Variants in KCNMA1 observed in about 807,000 individuals in gnomAD.
KCNMA1 encodes Calcium-activated potassium channel subunit alpha-1.
In KCNMA1, 29 loss-of-function variants were observed where a neutral mutation model predicts 140.0. The ratio of observed to expected loss-of-function variants is 0.21; its 90% CI spans 0.15 to 0.28. The LOEUF (loss-of-function observed/expected upper bound fraction) is 0.28, where lower values mean the gene tolerates loss of function less well. KCNMA1 is among the 10% of genes least tolerant of loss of function. The pLI is 1.00. For missense variants in KCNMA1, 880 were observed against 1,602.2 expected (o/e 0.55, Z 7.70); for synonymous variants, 612 against 611.9 (o/e 1.00, Z 0.00).
chr10:77,104,825 G>A (rs1380874548), intron 9 of KCNMA1, among the ~76,000 whole-genome samples: 1 of 152,224 alleles, frequency 6.6e-6, no homozygotes, highest in East Asian at 1.9e-4. Context: ...GCAAGGGGCT[G>A]TGAGAGGGAG....
At chr10:77,607,599 T>C (rs1226078360) in intron 1 of KCNMA1, among the ~76,000 whole-genome samples, 4 of 152,032 alleles carry the variant, frequency 2.6e-5, no homozygotes, top group African/African-American at 7.3e-5. Flanking sequence ...AGAGATGTGA[T>C]GATGGAAACT....
chr10:76,977,774 T>C, intron 19 of KCNMA1: 1 of 614,444 alleles, frequency 1.6e-6, no homozygotes, highest in Non-Finnish European at 2.9e-6. Context: ...TTAGCCCTGC[T>C]GGTCCGCTCG....
At chr10:77,389,522 G>A (rs1247007505) in intron 2 of KCNMA1, among the ~76,000 whole-genome samples, 8 of 152,108 alleles carry the variant, frequency 5.3e-5, no homozygotes, top group African/African-American at 1.7e-4. Flanking sequence ...TCCTCAAGCA[G>A]AGGATACTCA....
intron 1 of KCNMA1, among the ~76,000 whole-genome samples, chr10:77,408,709 A>G (rs2096551577): frequency 6.6e-6 from 1 of 152,076 alleles, no homozygotes; most frequent in African/African-American, 2.4e-5. Flanking sequence ...GAAAAATGAG[A>G]GGTGAGGCCA....
chr10:77,352,623 T>TGG (rs1177219718), intron 2 of KCNMA1, among the ~76,000 whole-genome samples: 1 of 49,396 alleles, frequency 2.0e-5, no homozygotes, highest in African/African-American at 1.5e-4. Flanking sequence ...CAGTACAGGG[T>TGG]GTGTGTGTGT....
chr10:76,922,001 G>A (rs935322035), intron 23 of KCNMA1, among the ~76,000 whole-genome samples: 1 of 152,150 alleles, frequency 6.6e-6, no homozygotes, highest in Non-Finnish European at 1.5e-5. Flanking sequence ...ACCCCAACAG[G>A]GTAGAGGTAG....
rs142235122 is a variant in KCNMA1 at position 77,083,229 on chromosome 10, T to C, written c.1523+1408A>G. On this transcript the variant is annotated intron_variant, in intron 12 of 27. Coordinates refer to ENST00000286628, the MANE Select transcript of KCNMA1 (RefSeq NM_001161352.2). ...ATCATTTCCTCTCAGCCCTCTTAACTCTTCTGCAATTTATGCTACAGAAAA... is the reference window on the plus strand; with the variant it reads ...ATCATTTCCTCTCAGCCCTCTTAACCCTTCTGCAATTTATGCTACAGAAAA... Among the ~76,000 whole-genome samples the C allele has an allele frequency of 2.4e-4, 37 of 152,182 alleles. 1 individual carries two copies. The East Asian group carries it at 6.8e-3, about 28-fold the overall frequency.
At chr10:77,525,339 C>T (rs569817433) in intron 1 of KCNMA1, among the ~76,000 whole-genome samples, 1 of 152,300 alleles carries the variant, frequency 6.6e-6, no homozygotes, top group African/African-American at 2.4e-5. Flanking sequence ...GGTTGGAACC[C>T]GTTCTCTTCC....
intron 1 of KCNMA1, among the ~76,000 whole-genome samples, chr10:77,436,469 T>A (rs2154501775): frequency 6.6e-6 from 1 of 152,358 alleles, no homozygotes; most frequent in African/African-American, 2.4e-5. Context: ...TAAAGAAAAC[T>A]TGCAGAGAAA....
intron 9 of KCNMA1, among the ~76,000 whole-genome samples, chr10:77,093,361 T>G (rs1464150224): frequency 6.6e-6 from 1 of 152,222 alleles, no homozygotes; most frequent in Non-Finnish European, 1.5e-5. Flanking sequence ...CCCATATTGT[T>G]CCAATCTGTC....
At chr10:77,092,897 A>G (rs745890667) in intron 9 of KCNMA1, among the ~76,000 whole-genome samples, 5 of 152,180 alleles carry the variant, frequency 3.3e-5, no homozygotes, top group Admixed American at 2.0e-4. Context: ...CAAGGGGAAA[A>G]GATGAGTTCC....
At chr10:77,012,202 G>A in intron 17 of KCNMA1, 159 bp from the exon 18 acceptor site, 2 of 1,503,430 alleles carry the variant, frequency 1.3e-6, no homozygotes, top group South Asian at 2.6e-5. Flanking sequence ...GGAAATGTTT[G>A]TTGCAAGACC....
chr10:77,499,420 T>TACAC (rs1385530376), intron 1 of KCNMA1, among the ~76,000 whole-genome samples: 1 of 142,726 alleles, frequency 7.0e-6, no homozygotes, highest in Non-Finnish European at 1.5e-5. Context: ...TATATATATA[T>TACAC]ATACACACAC....
chr10:76,977,451 C>T, intron 19 of KCNMA1: 1 of 659,578 alleles, frequency 1.5e-6, no homozygotes, highest in Non-Finnish European at 2.8e-6. Flanking sequence ...GTTTACCAGC[C>T]ATCCCTGGCT....
At chr10:77,453,626 G>A (rs2097704293) in intron 1 of KCNMA1, among the ~76,000 whole-genome samples, 1 of 152,096 alleles carries the variant, frequency 6.6e-6, no homozygotes, top group Non-Finnish European at 1.5e-5. Context: ...CCCCAGCAGG[G>A]CCCAGATGTC....
At chr10:76,872,545 T>C (rs1564640906), downstream of KCNMA1, 1 of 152,180 alleles carries the variant, frequency 6.6e-6, no homozygotes, top group Non-Finnish European at 1.5e-5. Context: ...TGTAGCCCCT[T>C]CCATGAAGTC....
At chr10:77,211,545 C>G (rs1017848182) in intron 3 of KCNMA1, among the ~76,000 whole-genome samples, 2 of 152,044 alleles carry the variant, frequency 1.3e-5, no homozygotes. Flanking sequence ...TCAGCCTTGG[C>G]AAAGAATTTT....
chr10:76,940,755 G>GT (rs1408503329), intron 23 of KCNMA1, among the ~76,000 whole-genome samples: 1 of 151,918 alleles, frequency 6.6e-6, no homozygotes, highest in African/African-American at 2.4e-5. Context: ...GAGGCCAGGA[G>GT]TTTGAGACCA....
chr10:76,908,080 G>T (rs558705466), intron 25 of KCNMA1, among the ~76,000 whole-genome samples: 2 of 152,272 alleles, frequency 1.3e-5, no homozygotes, highest in South Asian at 4.1e-4. Flanking sequence ...AGTCTTCTGA[G>T]ATCTCTGTAA....
Sources: allele counts gnomAD v4.1 joint callset (sites outside exome capture counted in the v4.1 genomes callset), GRCh38; gene constraint gnomAD v4.1.1; transcripts MANE v1.5; gene names NCBI Gene and HGNC (gene_info 2026-07-23, HGNC 2026-07-21).